Variants in HEXB observed in about 807,000 individuals in gnomAD.
HEXB encodes beta-hexosaminidase subunit beta.
Under a neutral mutation model 71.2 loss-of-function variants are expected in HEXB, and 51 were observed. That is an observed-to-expected ratio of 0.72 (90% CI 0.57 to 0.90). The LOEUF (loss-of-function observed/expected upper bound fraction) is 0.90, where lower values mean the gene tolerates loss of function less well. HEXB is among the 40% of genes least tolerant of loss of function. HEXB has a pLI of 0.00. For synonymous variants in HEXB, 266 were observed against 249.3 expected (o/e 1.07, Z -0.63); for missense variants, 617 against 677.0 (o/e 0.91, Z 0.98).
At chr5:74,673,329 A>G (rs1748572562) in intron 1 of HEXB, among the ~76,000 whole-genome samples, 1 of 152,214 alleles carries the variant, frequency 6.6e-6, no homozygotes, top group Admixed American at 6.5e-5. Flanking sequence ...CAGAATTCAC[A>G]AATATTTCGG....
chr5:74,692,334 CAAAAAAAA>C (rs916578254), intron 2 of HEXB, among the ~76,000 whole-genome samples: 1 of 52,430 alleles, frequency 1.9e-5, no homozygotes, highest in African/African-American at 5.8e-5. Context: ...CCTGTCTCTA[CAAAAAAAA>C]AAAAAAAAAA....
intron 1 of HEXB, among the ~76,000 whole-genome samples, chr5:74,649,277 C>T (rs182967679): frequency 9.1e-4 from 138 of 152,282 alleles, no homozygotes; most frequent in African/African-American, 3.1e-3. Flanking sequence ...TCCAACTAGC[C>T]AACCCAGTGC....
rs1029874260 is a variant in HEXB at position 74,641,575 on chromosome 5, C to G, written c.-377+1017C>G. Among the ~76,000 whole-genome samples, 5 of 152,142 alleles carry G rather than the reference C, an allele frequency of 3.3e-5. No individual in the cohort carries two copies. The highest frequency in any genetic ancestry group is 1.2e-4 in the African/African-American group (5 of 41,384). Reference sequence around the variant, plus strand: ...GCCTCCTCTCCTAGCGATTAAGCCTCCATCACCTTCTCCTGTTTTTTATCG... The same window carrying G: ...GCCTCCTCTCCTAGCGATTAAGCCTGCATCACCTTCTCCTGTTTTTTATCG... On this transcript the variant is annotated intron_variant, in intron 1 of 13. Transcript: ENST00000511181. This position sits in a 1 kb window ranked among gnomAD's most constrained non-coding sequence, Gnocchi z 4.1.
intron 1 of HEXB, among the ~76,000 whole-genome samples, chr5:74,662,510 T>C (rs1019731712): frequency 9.1e-5 from 1 of 10,934 alleles, no homozygotes; most frequent in Non-Finnish European, 2.0e-4. Flanking sequence ...GTATAACTCT[T>C]TTTCTATATC....
At chr5:74,675,400 A>G (rs1748613061) in intron 1 of HEXB, among the ~76,000 whole-genome samples, 1 of 152,218 alleles carries the variant, frequency 6.6e-6, no homozygotes, top group Admixed American at 6.5e-5. Context: ...GTCAGGTCTC[A>G]GAGCCTGACT....
intron 3 of HEXB, among the ~76,000 whole-genome samples, chr5:74,696,292 A>G (rs993028821): frequency 6.6e-6 from 1 of 152,124 alleles, no homozygotes; most frequent in Non-Finnish European, 1.5e-5. Flanking sequence ...TTTTCCAGCC[A>G]TTTTTCCCTG....
upstream of HEXB, among the ~76,000 whole-genome samples, chr5:74,681,465 C>T (rs11948122): frequency 4.5e-3 from 684 of 152,204 alleles, 4 homozygotes; most frequent in Middle Eastern, 0.017. Flanking sequence ...TGGTATAGGC[C>T]TGTAGTACTA....
intron 1 of HEXB, among the ~76,000 whole-genome samples, chr5:74,669,092 C>A (rs1748487405): frequency 6.6e-6 from 1 of 152,092 alleles, no homozygotes; most frequent in South Asian, 2.1e-4. Context: ...GCTGGGATGA[C>A]AGGAGCACAC....
intron 6 of HEXB, among the ~76,000 whole-genome samples, chr5:74,707,134 G>A (rs1201500668): frequency 2.0e-5 from 3 of 150,898 alleles, no homozygotes; most frequent in South Asian, 2.1e-4. Context: ...CACGGTTCAC[G>A]AAAAACCACT....
intron 6 of HEXB, among the ~76,000 whole-genome samples, chr5:74,712,880 T>C (rs1749582299): frequency 6.6e-6 from 1 of 152,152 alleles, no homozygotes; most frequent in South Asian, 2.1e-4. Context: ...AATATTGAGT[T>C]CTAATTTTTC....
intron 1 of HEXB, 78 bp from the exon 2 acceptor site, chr5:74,689,250 A>G (rs996265388): frequency 6.4e-6 from 7 of 1,101,700 alleles, no homozygotes; most frequent in African/African-American, 6.2e-5. Context: ...GGAGTTAACT[A>G]CAATGTTACT....
At chr5:74,710,434 C>A (rs1749512498) in intron 6 of HEXB, among the ~76,000 whole-genome samples, 1 of 152,118 alleles carries the variant, frequency 6.6e-6, no homozygotes, top group Admixed American at 6.6e-5. Flanking sequence ...GAAGTTCTGG[C>A]CAGGGCAATT....
At chr5:74,679,143 C>T (rs1482424821) in intron 1 of HEXB, among the ~76,000 whole-genome samples, 3 of 152,116 alleles carry the variant, frequency 2.0e-5, no homozygotes, top group African/African-American at 4.8e-5. Context: ...TAAACTGATA[C>T]TTGGAAGTAG....
chr5:74,709,087 A>C (rs1749476312), intron 6 of HEXB, among the ~76,000 whole-genome samples: 3 of 152,178 alleles, frequency 2.0e-5, no homozygotes, highest in Non-Finnish European at 4.4e-5. Flanking sequence ...ATTATAACAA[A>C]CTATCTCTCA....
chr5:74,677,803 C>A (rs922164023), intron 1 of HEXB, among the ~76,000 whole-genome samples: 2 of 152,014 alleles, frequency 1.3e-5, no homozygotes, highest in Non-Finnish European at 2.9e-5. Flanking sequence ...GTGCACTGGT[C>A]ACCTGAGTAG....
At chr5:74,721,054 AATATCTTTAT>A in intron 13 of HEXB, 54 bp from the exon 14 acceptor site, 2 of 1,275,328 alleles carry the variant, frequency 1.6e-6, no homozygotes, top group East Asian at 4.7e-5. Context: ...ATCAATCTAA[AATATCTTTAT>A]GAATGATATC....
upstream of HEXB, chr5:74,685,034 C>T: frequency 1.9e-6 from 1 of 526,158 alleles, no homozygotes; most frequent in Middle Eastern, 4.9e-4. Context: ...TGTCTGGGCT[C>T]TGCTCCTACC....
intron 9 of HEXB, among the ~76,000 whole-genome samples, chr5:74,718,035 A>G (rs546000250): frequency 6.6e-6 from 1 of 152,264 alleles, no homozygotes; most frequent in Admixed American, 6.5e-5. Flanking sequence ...ACTTCTTCCT[A>G]TCTTAGGGGC....
intron 1 of HEXB, among the ~76,000 whole-genome samples, chr5:74,674,622 G>A (rs1286461852): frequency 1.1e-3 from 143 of 125,632 alleles, no homozygotes; most frequent in African/African-American, 3.0e-3. Context: ...AAAAAAAAAA[G>A]AAGAAGAAGA....
Sources: allele counts gnomAD v4.1 joint callset (sites outside exome capture counted in the v4.1 genomes callset), GRCh38; gene constraint gnomAD v4.1.1; non-coding constraint Gnocchi (gnomAD v3.1); transcripts MANE v1.5; gene names NCBI Gene and HGNC (gene_info 2026-07-23, HGNC 2026-07-21).